The following FOCAD variants were observed in gnomAD, a reference collection of about 807,000 sequenced individuals.
The protein encoded by FOCAD is KIAA1797.
Under a neutral mutation model 225.6 loss-of-function variants are expected in FOCAD, and 198 were observed. That is an observed-to-expected ratio of 0.88 (90% CI 0.78 to 0.99). The LOEUF is 0.99. FOCAD is among the 50% of genes least tolerant of loss of function. FOCAD has a pLI of 0.00. For synonymous variants in FOCAD, 897 were observed against 755.0 expected (o/e 1.19, Z -3.08); for missense variants, 2,713 against 2,123.6 (o/e 1.28, Z -5.46).
At chr9:20,915,448 A>G (rs1355616033) in intron 23 of FOCAD, among the ~76,000 whole-genome samples, 1 of 152,206 alleles carries the variant, frequency 6.6e-6, no homozygotes, top group African/African-American at 2.4e-5. Flanking sequence ...AGGAGCAACC[A>G]ACTGTGTCAA....
chr9:20,748,840 A>C (rs913013739), intron 5 of FOCAD, among the ~76,000 whole-genome samples: 2 of 152,184 alleles, frequency 1.3e-5, no homozygotes, highest in African/African-American at 4.8e-5. Context: ...AGACTTTTAG[A>C]ATAAGCTGCA....
At chr9:20,944,798 T>C (rs1323919304) in intron 29 of FOCAD, 24 bp downstream of exon 29, 3 of 1,597,428 alleles carry the variant, frequency 1.9e-6, no homozygotes, top group Non-Finnish European at 2.6e-6. Context: ...GCTACATTTT[T>C]TTCCCCTCTG....
chr9:20,846,141 G>A (rs1324309664), intron 15 of FOCAD, among the ~76,000 whole-genome samples: 1 of 152,048 alleles, frequency 6.6e-6, no homozygotes, highest in Non-Finnish European at 1.5e-5. Flanking sequence ...TTATGTTGGA[G>A]AGCACTTCCT....
chr9:20,749,097 C>T (rs1161615614), intron 5 of FOCAD, among the ~76,000 whole-genome samples: 5 of 151,956 alleles, frequency 3.3e-5, no homozygotes, highest in Non-Finnish European at 2.9e-5. Flanking sequence ...ATTTATGTTT[C>T]CCCCCAACCA....
chr9:20,743,676 G>A (rs1261134341), intron 5 of FOCAD, among the ~76,000 whole-genome samples: 1 of 152,182 alleles, frequency 6.6e-6, no homozygotes, highest in African/African-American at 2.4e-5. Flanking sequence ...TACAGCTTCT[G>A]AATCCCACTT....
intron 35 of FOCAD, among the ~76,000 whole-genome samples, chr9:20,964,271 G>A (rs1041298284): frequency 6.6e-6 from 1 of 152,082 alleles, no homozygotes; most frequent in Non-Finnish European, 1.5e-5. Flanking sequence ...GGAGGCTGAG[G>A]CAGGAGAATC....
At chr9:20,672,374 G>C (rs1423888694) in intron 2 of FOCAD, among the ~76,000 whole-genome samples, 5 of 152,192 alleles carry the variant, frequency 3.3e-5, no homozygotes, top group African/African-American at 1.2e-4. Context: ...TAAATATCAA[G>C]CCCTATGGCC....
chr9:20,969,598 A>G (rs1385433114), intron 35 of FOCAD, among the ~76,000 whole-genome samples: 25 of 151,966 alleles, frequency 1.6e-4, no homozygotes, highest in Admixed American at 6.6e-5. Flanking sequence ...CCCAAATTAC[A>G]TTTGTATACA....
intron 4 of FOCAD, among the ~76,000 whole-genome samples, chr9:20,732,813 G>A (rs1032662186): frequency 1.3e-5 from 2 of 152,120 alleles, no homozygotes; most frequent in South Asian, 4.1e-4. Context: ...AGCATTCGTG[G>A]TGTACTGAAT....
At chr9:20,664,400 CT>C (rs1821832867) in intron 2 of FOCAD, among the ~76,000 whole-genome samples, 1 of 150,680 alleles carries the variant, frequency 6.6e-6, no homozygotes, top group South Asian at 2.1e-4. Context: ...CAAATCAGAC[CT>C]CAATTAGAAA....
At chr9:20,863,250 G>A (rs1828938138) in intron 16 of FOCAD, 1 of 142,468 alleles carries the variant, frequency 7.0e-6, no homozygotes, top group South Asian at 2.3e-4. Context: ...ACATTTGTAA[G>A]CCATACTTTT....
intron 15 of FOCAD, among the ~76,000 whole-genome samples, chr9:20,837,081 C>A (rs1314761927): frequency 6.6e-6 from 1 of 152,068 alleles, no homozygotes; most frequent in Admixed American, 6.6e-5. Context: ...ACACTTTACT[C>A]TGAAAATTTA....
chr9:20,813,875 C>T (rs536421203), intron 11 of FOCAD, among the ~76,000 whole-genome samples: 54 of 152,244 alleles, frequency 3.5e-4, no homozygotes, highest in African/African-American at 1.3e-3. Flanking sequence ...CCCTTTGGTT[C>T]TGTCAATGTT....
intron 10 of FOCAD, among the ~76,000 whole-genome samples, chr9:20,786,639 T>A (rs139374397): frequency 6.6e-6 from 1 of 152,244 alleles, no homozygotes; most frequent in Admixed American, 6.5e-5. Flanking sequence ...TCTTTACAGT[T>A]AATGAAAATC....
chr9:20,800,271 T>G (rs371497338), intron 11 of FOCAD, among the ~76,000 whole-genome samples: 3 of 152,218 alleles, frequency 2.0e-5, no homozygotes, highest in Non-Finnish European at 4.4e-5. Context: ...CTCTCTGGCT[T>G]CCCTTAACAT....
chr9:20,849,675 G>A (rs886336781), intron 15 of FOCAD, among the ~76,000 whole-genome samples: 5 of 151,822 alleles, frequency 3.3e-5, no homozygotes, highest in Admixed American at 6.6e-5. Flanking sequence ...CGTGTACATG[G>A]GGTATTTGAA....
At chr9:20,877,245 A>C (rs1830304127) in intron 19 of FOCAD, among the ~76,000 whole-genome samples, 1 of 152,210 alleles carries the variant, frequency 6.6e-6, no homozygotes, top group Non-Finnish European at 1.5e-5. Context: ...ACCCTGAAAG[A>C]CCAAATCCCG....
Position 20,995,715 on chromosome 9 carries a change from A to G in FOCAD, c.*86A>G, listed in dbSNP as rs749938190. 2 of 1,198,514 alleles carry G rather than the reference A, an allele frequency of 1.7e-6. No homozygotes were observed. The highest frequency in any genetic ancestry group is 1.7e-5 in the Admixed American group (1 of 57,606). The allele number at this position is 1,198,514 out of a possible 1,614,324, so 74.2% of individuals were successfully genotyped here. A position where few individuals can be genotyped will look rare whatever the true frequency, so the allele number is the denominator to read the frequency against. ...AAGTTTTTCAGAATTCATGCCTGGT[A>G]TTGCTGAGACATGATGCAGAGAGTT... On this transcript the variant is annotated 3_prime_UTR_variant, in exon 44 of 44. Transcript: ENST00000338382.
upstream of FOCAD, among the ~76,000 whole-genome samples, chr9:20,681,452 A>G (rs1052130369): frequency 6.6e-6 from 1 of 152,240 alleles, no homozygotes; most frequent in Admixed American, 6.5e-5. Context: ...AATCTCAGGA[A>G]AAGGACAGTC....
Sources: gnomAD v4.1 joint callset for allele counts (sites outside exome capture counted in the v4.1 genomes callset) on GRCh38, gnomAD v4.1.1 for gene constraint, MANE v1.5 for transcripts, NCBI Gene and HGNC (gene_info 2026-07-23, HGNC 2026-07-21) for gene names.